SNAP91: variants seen among roughly 807,000 people sequenced by gnomAD.
SNAP91 encodes the protein clathrin coat assembly protein AP180.
A neutral mutation model predicts 100.3 loss-of-function variants in SNAP91; 27 were observed. The ratio of observed to expected loss-of-function variants is 0.27; its 90% CI spans 0.20 to 0.37. SNAP91 has a LOEUF of 0.37. Among genes scored for constraint, SNAP91 ranks in the 10% least tolerant of loss-of-function variants. The probability of loss-of-function intolerance (pLI) is 1.00; values close to 1 mark genes in which losing one functional copy is unlikely to be tolerated. For synonymous variants in SNAP91, 404 were observed against 398.6 expected, an observed-to-expected ratio of 1.01 and a Z score of -0.16; for missense variants, 986 against 1,123.7, an observed-to-expected ratio of 0.88 and a Z score of 1.75.
intron 14 of SNAP91, among the ~76,000 whole-genome samples, chr6:83,604,497 TG>T (rs1365111300): frequency 9.8e-5 from 15 of 152,286 alleles, no homozygotes; most frequent in African/African-American, 3.6e-4. Context: ...CTCTTATTTT[TG>T]TTACCAAAAT....
intron 8 of SNAP91, among the ~76,000 whole-genome samples, chr6:83,639,548 C>A (rs2097591122): frequency 6.6e-6 from 1 of 152,074 alleles, no homozygotes; most frequent in Non-Finnish European, 1.5e-5. Context: ...ACAATGATAT[C>A]TGATTTTTGC....
chr6:83,683,773 G>A (rs2099023880), intron 2 of SNAP91, among the ~76,000 whole-genome samples: 1 of 152,136 alleles, frequency 6.6e-6, no homozygotes, highest in Admixed American at 6.6e-5. Flanking sequence ...AGACAAAAAT[G>A]GAAATCATTA....
chr6:83,702,858 G>T (rs899808714), intron 2 of SNAP91, among the ~76,000 whole-genome samples: 8 of 151,986 alleles, frequency 5.3e-5, no homozygotes, highest in Non-Finnish European at 8.8e-5. Flanking sequence ...TTATTTTTGT[G>T]TCATTTTTAA....
intron 8 of SNAP91, among the ~76,000 whole-genome samples, chr6:83,626,147 T>G (rs2096917734): frequency 6.6e-6 from 1 of 152,132 alleles, no homozygotes; most frequent in South Asian, 2.1e-4. Context: ...TTTTGCCAAC[T>G]TATCAAAGAT....
At chr6:83,679,896 T>C (rs747290386) in intron 2 of SNAP91, among the ~76,000 whole-genome samples, 105 of 152,300 alleles carry the variant, frequency 6.9e-4, no homozygotes, top group Non-Finnish European at 1.2e-3. Context: ...CAACACAAAA[T>C]TATATACTAC....
chr6:83,642,244 G>A (rs1013365802), intron 7 of SNAP91, among the ~76,000 whole-genome samples: 10 of 151,978 alleles, frequency 6.6e-5, no homozygotes, highest in African/African-American at 2.2e-4. Flanking sequence ...CAACGTGCAG[G>A]TTTGTTACAT....
intron 24 of SNAP91, among the ~76,000 whole-genome samples, chr6:83,577,027 T>A (rs186126588): frequency 5.3e-5 from 8 of 152,222 alleles, no homozygotes; most frequent in Admixed American, 4.6e-4. Context: ...TAGAAGGCGA[T>A]AAGGAAAGCT....
intron 2 of SNAP91, among the ~76,000 whole-genome samples, chr6:83,667,166 A>G (rs895149130): frequency 3.9e-5 from 6 of 152,108 alleles, no homozygotes; most frequent in African/African-American, 1.4e-4. Context: ...CATTCAAAGT[A>G]CCATATAGAC....
At chr6:83,647,200 C>T (rs1456584136) in intron 7 of SNAP91, among the ~76,000 whole-genome samples, 1 of 151,866 alleles carries the variant, frequency 6.6e-6, no homozygotes, top group African/African-American at 2.4e-5. Flanking sequence ...TCTTGTCTTA[C>T]TGCATTAGCT....
At chr6:83,567,053 C>T (rs1381734213) in intron 26 of SNAP91, among the ~76,000 whole-genome samples, 1 of 152,132 alleles carries the variant, frequency 6.6e-6, no homozygotes, top group East Asian at 1.9e-4. Context: ...ATCCTCCTGC[C>T]TCAGCCTCTC....
intron 2 of SNAP91, 123 bp downstream of exon 2, chr6:83,707,674 CA>C: frequency 7.6e-7 from 1 of 1,324,234 alleles, no homozygotes. Context: ...AATTTCAGCT[CA>C]GGGGCAACCT....
intron 2 of SNAP91, among the ~76,000 whole-genome samples, chr6:83,679,601 C>T (rs146549228): frequency 3.4e-4 from 52 of 152,256 alleles, no homozygotes; most frequent in Admixed American, 3.3e-4. Flanking sequence ...CAGGCCAACC[C>T]GTTCCATTCT....
At chr6:83,604,458 G>A (rs1232228166) in intron 14 of SNAP91, among the ~76,000 whole-genome samples, 2 of 152,042 alleles carry the variant, frequency 1.3e-5, no homozygotes, top group Non-Finnish European at 2.9e-5. Context: ...TTTATAGTTA[G>A]CAACATTATT....
chr6:83,682,787 T>C (rs942417028), intron 2 of SNAP91, among the ~76,000 whole-genome samples: 1 of 141,980 alleles, frequency 7.0e-6, no homozygotes, highest in African/African-American at 2.7e-5. Flanking sequence ...CCTGTGTCCA[T>C]GTGTTCTCAT....
rs2096746006 is a variant in SNAP91 at position 83,621,947 on chromosome 6, A to G, written c.807+1354T>C. On this transcript the variant is annotated intron_variant, in intron 9 of 29. Coordinates refer to ENST00000369694, the MANE Select transcript of SNAP91 (RefSeq NM_001242792.2). Reference sequence around the variant, plus strand: ...GATTATTTTTTAAAATGTACTATAAATTTTACTAAAAATGATTAGTTTAAA... The same window carrying G: ...GATTATTTTTTAAAATGTACTATAAGTTTTACTAAAAATGATTAGTTTAAA... 2.0e-5 allele frequency among the ~76,000 whole-genome samples: 3 copies of G among 152,094 alleles called. No individual in the cohort carries two copies. In the South Asian group the frequency reaches 6.2e-4, roughly 31 times the overall value.
chr6:83,652,550 A>C (rs1448496000), intron 7 of SNAP91, among the ~76,000 whole-genome samples: 1 of 152,114 alleles, frequency 6.6e-6, no homozygotes, highest in East Asian at 1.9e-4. Flanking sequence ...CCTATATATA[A>C]GCATATAGGT....
At chr6:83,593,433 A>C in intron 18 of SNAP91, 45 bp downstream of exon 18, 1 of 1,542,736 alleles carries the variant, frequency 6.5e-7, no homozygotes, top group Non-Finnish European at 8.8e-7. Context: ...ATCAGAATTC[A>C]ATCCACTAGA....
intron 26 of SNAP91, among the ~76,000 whole-genome samples, chr6:83,564,194 C>T (rs186526033): frequency 6.6e-6 from 1 of 152,100 alleles, no homozygotes; most frequent in Non-Finnish European, 1.5e-5. Flanking sequence ...GGAAATAAAC[C>T]CATACCTCTA....
In SNAP91 at chr6:83,662,411, T is replaced by C. The variant is rs566987291; in HGVS notation, c.285A>G (p.Gln95=). 41 of 1,362,542 alleles carry C rather than the reference T, an allele frequency of 3.0e-5. No individual in the cohort carries two copies. In the South Asian group the frequency reaches 4.3e-4, roughly 14 times the overall value. 84.4% of individuals were successfully genotyped at this position (1,362,542 alleles called of 1,614,324 possible). A position where few individuals can be genotyped will look rare whatever the true frequency, so the allele number is the denominator to read the frequency against. ...ATAGTGTATTTCTAGAAGCCAAATATTGAATAAATCTCTGAAAAACAAAAA... is the reference window on the plus strand; with the variant it reads ...ATAGTGTATTTCTAGAAGCCAAATACTGAATAAATCTCTGAAAAACAAAAA... The part of the protein sequence containing the change: ...LMVHGNERFI[Q]YLASRNTLFN... Residue 95 remains glutamine, a synonymous_variant, in exon 4 of 30, where the codon CAA becomes CAG. Transcript: ENST00000369694.
Sources: gnomAD v4.1 joint callset for allele counts (sites outside exome capture counted in the v4.1 genomes callset) on GRCh38, gnomAD v4.1.1 for gene constraint, MANE v1.5 for transcripts, NCBI Gene and HGNC (gene_info 2026-07-23, HGNC 2026-07-21) for gene names.